CHRNE: variants seen among roughly 807,000 people sequenced by gnomAD.
CHRNE encodes the protein cholinergic receptor nicotinic epsilon subunit, also known as acetylcholine receptor subunit epsilon.
In CHRNE, 58 loss-of-function variants were observed where a neutral mutation model predicts 56.5. That is an observed-to-expected ratio of 1.03 (90% CI 0.83 to 1.28). The LOEUF (loss-of-function observed/expected upper bound fraction) is 1.28, where lower values mean the gene tolerates loss of function less well. Ranked by LOEUF, CHRNE falls within the 50% of genes most tolerant of loss-of-function variation. The pLI is 0.00. For missense variants in CHRNE, 793 were observed against 688.9 expected, an observed-to-expected ratio of 1.15 and a Z score of -1.69; for synonymous variants, 385 against 297.9, an observed-to-expected ratio of 1.29 and a Z score of -3.01.
At chr17:4,901,722 C>A in intron 5 of CHRNE, 97 bp from the exon 6 acceptor site, 1 of 1,318,870 alleles carries the variant, frequency 7.6e-7, no homozygotes, top group South Asian at 1.2e-5. Flanking sequence ...GGGCCGCGAT[C>A]CCAAGCCCAC....
Position 4,900,778 on chromosome 17 carries a change from G to A in CHRNE, c.917+15C>T. 2 of 1,609,034 alleles carry A rather than the reference G, an allele frequency of 1.2e-6. No homozygotes were observed. Among genetic ancestry groups the A allele is most frequent in the Non-Finnish European group, 1.7e-6 (2 of 1,177,204 alleles). The stretch of plus-strand genomic sequence containing the variant: ...CTTCACACTGGCCACACCCCCGCGG[G>A]GGCTCCGGCTTCACCTGCCCAGGAG... On this transcript the variant is annotated intron_variant, in intron 8 of 11. Transcript: ENST00000649488.
chr17:4,900,361 G>C lies in CHRNE; in HGVS notation c.917+432C>G, dbSNP rs762775466. 8 of 1,548,454 alleles carry C rather than the reference G, an allele frequency of 5.2e-6. No homozygotes were observed. The South Asian group carries it at 9.5e-5, about 18-fold the overall frequency. On this transcript the variant is annotated intron_variant, in intron 8 of 11. Transcript: ENST00000649488. ...GCCCAAGCCGCAGGGCAGGGGGTTC[G>C]GCAAGCTGGGGCTGCGGTGGGCGCC...
chr17:4,900,313 C>T (rs1023258368), intron 8 of CHRNE: 1 of 1,545,312 alleles, frequency 6.5e-7, no homozygotes, highest in South Asian at 1.2e-5. Context: ...GGCAGGGATC[C>T]GGGTGCAGCG....
chr17:4,902,287 AGTC>A lies in CHRNE; in HGVS notation c.271_273del (p.Asp91del). 1 of 1,614,094 alleles carries A rather than the reference AGTC, an allele frequency of 6.2e-7. No individual in the cohort carries two copies. ...ACTCGCAGGGTTTCTATACCCCCAAAGTCGTCCTTGCTGTAGTTGAGTCGGTAA... is the reference window on the plus strand; with the variant it reads ...ACTCGCAGGGTTTCTATACCCCCAAAGTCCTTGCTGTAGTTGAGTCGGTAA... On this transcript the variant is annotated inframe_deletion, in exon 4 of 12. Transcript: ENST00000649488. The surrounding 1 kb of genome is among the most constrained non-coding windows in gnomAD (Gnocchi z 4.0).
chr17:4,903,885 T>C (rs1429069326), upstream of CHRNE, among the ~76,000 whole-genome samples: 1 of 152,210 alleles, frequency 6.6e-6, no homozygotes, highest in Non-Finnish European at 1.5e-5. Context: ...TGAGACCAAG[T>C]CTCGCTCTGG....
At chr17:4,899,159 A>ACCCCGCGCGG (rs759422199) in intron 10 of CHRNE, 39 bp downstream of exon 10, 6 of 1,592,386 alleles carry the variant, frequency 3.8e-6, no homozygotes, top group South Asian at 2.3e-5. Context: ...CCTGGCAGGC[A>ACCCCGCGCGG]CCCCGCGCGG....
Position 4,899,200 on chromosome 17 carries a change from G to A in CHRNE, c.1217C>T (p.Thr406Met), listed in dbSNP as rs532120320. 33 of 1,603,548 alleles carry A rather than the reference G, an allele frequency of 2.1e-5. No individual in the cohort carries two copies. In the Middle Eastern group the frequency reaches 6.7e-4, roughly 32 times the overall value. ...EGQRHRQGTW[T>M]AAFCQSLGAA... The stretch of plus-strand genomic sequence containing the variant: ...CGGGCCAGGGCCACTGTGCTCACCC[G>A]TCCAGGTCCCCTGCCGGTGCCTCTG... The change falls in exon 10 of 12, where the codon ACG (threonine) becomes ATG (methionine). Residue 406 changes from threonine (T) to methionine (M), a missense_variant and splice_region_variant. Coordinates refer to ENST00000649488, the MANE Select transcript of CHRNE (RefSeq NM_000080.4).
upstream of CHRNE, among the ~76,000 whole-genome samples, chr17:4,907,948 G>C (rs7208208): frequency 0.096 from 14,602 of 152,094 alleles, 705 homozygotes; most frequent in African/African-American, 0.11. Context: ...AGGCCGAGGC[G>C]GGCGGATCAC....
chr17:4,903,521 C>T (rs986569183), upstream of CHRNE, among the ~76,000 whole-genome samples: 12 of 152,188 alleles, frequency 7.9e-5, no homozygotes, highest in Non-Finnish European at 1.0e-4. Context: ...ACCACCCAAG[C>T]TCACAATGCC....
chr17:4,899,028 GCT>G lies in CHRNE; in HGVS notation c.1297_1298del (p.Ser433HisfsTer22). The G allele has an allele frequency of 6.2e-7, 1 of 1,609,556 alleles. No homozygotes were observed. The highest frequency in any genetic ancestry group is 8.5e-7 in the Non-Finnish European group (1 of 1,178,818). On this transcript the variant is annotated frameshift_variant, in exon 11 of 12. Transcript: ENST00000649488. LOFTEE classifies it high-confidence loss of function. ...CVDAVNFVAESTRDQEATGEE... is the reference protein window; with the variant it reads ...CVDAVNFVAEXTRDQEATGEE... The stretch of plus-strand genomic sequence containing the variant: ...CGCCGGTGGCCTCCTGATCTCTCGT[GCT>G]CTCGGCCACGAAGTTCACGGCATCC...
At chr17:4,901,843 G>T (rs1016154873) in intron 5 of CHRNE, 89 bp downstream of exon 5, 1 of 1,571,514 alleles carries the variant, frequency 6.4e-7, no homozygotes, top group South Asian at 1.1e-5. Context: ...GCGAAGCCCC[G>T]CCCCGAGGGC....
At chr17:4,900,657 C>T in intron 8 of CHRNE, 136 bp downstream of exon 8, 1 of 1,436,320 alleles carries the variant, frequency 7.0e-7, no homozygotes, top group African/African-American at 1.4e-5. Flanking sequence ...ACTCCATCCC[C>T]GTACCAGCCC....
rs1567635115 is a variant in CHRNE at position 4,898,632 on chromosome 17, T to G, written c.*104A>C. ...TCTTGTGAAGTTCACAAACTGCAGA[T>G]TGATCAGCAGGGGGAAGGGATCATA... On this transcript the variant is annotated 3_prime_UTR_variant, in exon 12 of 12. Transcript: ENST00000649488. 6 of 1,447,640 alleles carry G rather than the reference T, an allele frequency of 4.1e-6. No homozygotes were observed. The Admixed American group carries it at 1.2e-4, about 29-fold the overall frequency. The allele number at this position is 1,447,640 out of a possible 1,614,324, so 89.7% of individuals were successfully genotyped here. A position where few individuals can be genotyped will look rare whatever the true frequency, so the allele number is the denominator to read the frequency against.
In CHRNE at chr17:4,902,332, G is replaced by T. The variant is rs564351576; in HGVS notation, c.235-6C>A. ...AGTCGGTAATCCTGCCAATCCTAAG[G>T]GGTGGGGGATGGAAGGCCGCGTGCC... On this transcript the variant is annotated splice_polypyrimidine_tract_variant and splice_region_variant and intron_variant, in intron 3 of 11. Transcript: ENST00000649488. This position sits in a 1 kb window ranked among gnomAD's most constrained non-coding sequence, Gnocchi z 4.0. The T allele has an allele frequency of 6.2e-7, 1 of 1,614,098 alleles. No homozygotes were observed. The highest frequency in any genetic ancestry group is 2.2e-5 in the East Asian group (1 of 44,870).
rs748155593 is a variant in CHRNE, at chr17:4,899,558, G to T, written c.942C>A (p.Val314=). 1.9e-6 allele frequency: 3 copies of T among 1,593,570 alleles called. No homozygotes were observed. The highest frequency in any genetic ancestry group is 8.5e-7 in the Non-Finnish European group (1 of 1,171,078). The change falls in exon 9 of 12, where the codon GTC becomes GTA. Residue 314 remains valine, a synonymous_variant. Coordinates refer to ENST00000649488, the MANE Select transcript of CHRNE (RefSeq NM_000080.4). ...CGCAATTCATGACAATGAGCGTGGC[G>T]ACCACCATGACGAAAATAAGGAACC... is the stretch of plus-strand genomic sequence containing the variant. ...LGRFLIFVMV[V]ATLIVMNCVI...
At chr17:4,900,223 T>C (rs1195078379) in intron 8 of CHRNE, 1 of 1,546,042 alleles carries the variant, frequency 6.5e-7, no homozygotes, top group Non-Finnish European at 8.7e-7. Flanking sequence ...CTAACCCCTG[T>C]GCCCCCAATG....
intron 8 of CHRNE, chr17:4,900,371 G>A (rs751207238): frequency 1.6e-4 from 248 of 1,549,422 alleles, no homozygotes; most frequent in Middle Eastern, 1.5e-3. Flanking sequence ...GGCAAGCTGG[G>A]GCTGCGGTGG....
chr17:4,899,190 G>A lies in CHRNE; in HGVS notation c.1219+8C>T, dbSNP rs1474684898. The A allele has an allele frequency of 1.9e-6, 3 of 1,600,026 alleles. No individual in the cohort carries two copies. Among genetic ancestry groups the A allele is most frequent in the East Asian group, 2.3e-5 (1 of 44,030 alleles). ...CGCGGCCCCCCGGGCCAGGGCCACT[G>A]TGCTCACCCGTCCAGGTCCCCTGCC... On this transcript the variant is annotated splice_region_variant and intron_variant, in intron 10 of 11. Transcript: ENST00000649488.
At chr17:4,906,321 A>G (rs8075805), upstream of CHRNE, among the ~76,000 whole-genome samples, 12,497 of 152,168 alleles carry the variant, frequency 0.082, 632 homozygotes, top group East Asian at 0.23. Flanking sequence ...CACTTCTCCT[A>G]TATGTTTAGC....
Sources: gnomAD v4.1 joint callset for allele counts (sites outside exome capture counted in the v4.1 genomes callset) on GRCh38, gnomAD v4.1.1 for gene constraint, Gnocchi (gnomAD v3.1) non-coding constraint, MANE v1.5 for transcripts, NCBI Gene and HGNC (gene_info 2026-07-23, HGNC 2026-07-21) for gene names.